The following PVT1 variants were observed in gnomAD, a reference collection of about 807,000 sequenced individuals.
PVT1 encodes the protein Pvt1 oncogene, also known as CXCR4/PVT1 fusion.
At chr8:127,989,655 G>T (rs757119015) in intron 4 of PVT1, among the ~76,000 whole-genome samples, 1 of 152,118 alleles carries the variant, frequency 6.6e-6, no homozygotes, top group Non-Finnish European at 1.5e-5. Flanking sequence ...TATATAATCA[G>T]ATTGAAACAC....
chr8:127,929,481 G>C (rs1816174144), intron 3 of PVT1, among the ~76,000 whole-genome samples: 1 of 152,130 alleles, frequency 6.6e-6, no homozygotes, highest in South Asian at 2.1e-4. Flanking sequence ...AATATGTTCT[G>C]TGCTCCCAGG....
chr8:127,928,801 C>T (rs1190395626), intron 3 of PVT1, among the ~76,000 whole-genome samples: 2 of 152,242 alleles, frequency 1.3e-5, no homozygotes, highest in African/African-American at 2.4e-5. Flanking sequence ...AGCCTGTGTC[C>T]GAGGCAGCCC....
intron 2 of PVT1, among the ~76,000 whole-genome samples, chr8:127,847,097 G>A (rs1815044497): frequency 6.7e-6 from 1 of 149,240 alleles, no homozygotes; most frequent in Admixed American, 6.8e-5. Context: ...CCGCTTCCCA[G>A]GTTCAAGCAA....
At chr8:128,033,972 A>G (rs1461652153) in intron 4 of PVT1, among the ~76,000 whole-genome samples, 1 of 152,096 alleles carries the variant, frequency 6.6e-6, no homozygotes, top group African/African-American at 2.4e-5. Context: ...GGCCAGAGTC[A>G]GAAGGCTGGG....
chr8:127,947,942 G>A (rs1291027224), intron 3 of PVT1: 1 of 457,012 alleles, frequency 2.2e-6, no homozygotes, highest in Non-Finnish European at 4.4e-6. Flanking sequence ...TGAGTGCAAA[G>A]TGACAGCTTT....
At chr8:128,021,160 T>C (rs1329589893) in intron 4 of PVT1, among the ~76,000 whole-genome samples, 1 of 151,814 alleles carries the variant, frequency 6.6e-6, no homozygotes, top group African/African-American at 2.4e-5. Flanking sequence ...CTTCCATCGC[T>C]CCCTAGCTAC....
Position 127,833,722 on chromosome 8 carries a change from G to A in PVT1, n.372+37651G>A, listed in dbSNP as rs540406631. Among the ~76,000 whole-genome samples the A allele has an allele frequency of 2.7e-4, 41 of 152,282 alleles. 1 individual carries two copies. The South Asian group carries it at 8.1e-3, about 30-fold the overall frequency. On this transcript the variant is annotated intron_variant and non_coding_transcript_variant, in intron 2 of 10. Coordinates refer to ENST00000651587, the Ensembl canonical transcript of PVT1. The stretch of plus-strand genomic sequence containing the variant: ...ACCTGCCTCAGCCTCCCAAAGTGCT[G>A]GGATTACAAGCCTGCCTTATGGATC...
At chr8:127,966,389 G>GA (rs1000964115) in intron 3 of PVT1, among the ~76,000 whole-genome samples, 6 of 152,136 alleles carry the variant, frequency 3.9e-5, no homozygotes, top group Middle Eastern at 3.2e-3. Context: ...CTGAGTCTTA[G>GA]AAAAAACCCC....
At chr8:127,905,249 T>A (rs1422141409) in intron 3 of PVT1, among the ~76,000 whole-genome samples, 1 of 152,132 alleles carries the variant, frequency 6.6e-6, no homozygotes, top group Non-Finnish European at 1.5e-5. Context: ...TAGCATGCCT[T>A]CTCTCTCCCA....
At chr8:127,936,360 C>T (rs965610900) in intron 3 of PVT1, among the ~76,000 whole-genome samples, 1 of 152,102 alleles carries the variant, frequency 6.6e-6, no homozygotes, top group African/African-American at 2.4e-5. Context: ...TCGACAGTGT[C>T]TTCTCTAAGC....
intron 2 of PVT1, among the ~76,000 whole-genome samples, chr8:127,796,459 T>C (rs1367839514): frequency 6.6e-6 from 1 of 152,168 alleles, no homozygotes; most frequent in Non-Finnish European, 1.5e-5. Context: ...ATCAAATCAA[T>C]TCCCTGTTCT....
At chr8:127,795,283 T>C (rs1240621856) in intron 1 of PVT1, among the ~76,000 whole-genome samples, 1 of 152,200 alleles carries the variant, frequency 6.6e-6, no homozygotes, top group Non-Finnish European at 1.5e-5. Flanking sequence ...GCTGGGCTGT[T>C]GATTTAATTA....
chr8:127,997,759 T>C (rs1817123667), intron 4 of PVT1, among the ~76,000 whole-genome samples: 1 of 152,218 alleles, frequency 6.6e-6, no homozygotes, highest in Non-Finnish European at 1.5e-5. Flanking sequence ...CCAATATTGA[T>C]ACATTATTAT....
intron 3 of PVT1, among the ~76,000 whole-genome samples, chr8:127,976,078 T>G (rs568599650): frequency 2.0e-5 from 3 of 152,104 alleles, no homozygotes; most frequent in Non-Finnish European, 2.9e-5. Flanking sequence ...TAAGGAAGAG[T>G]GGAGCTTACA....
At chr8:128,082,571 G>A (rs1055833907) in intron 5 of PVT1, among the ~76,000 whole-genome samples, 4 of 152,208 alleles carry the variant, frequency 2.6e-5, no homozygotes, top group African/African-American at 9.7e-5. Context: ...GAGGCACCAA[G>A]TCTCAGGGAA....
At chr8:127,867,101 C>A (rs973465925) in intron 2 of PVT1, among the ~76,000 whole-genome samples, 1 of 152,234 alleles carries the variant, frequency 6.6e-6, no homozygotes, top group Non-Finnish European at 1.5e-5. Context: ...GCCTCAGATG[C>A]CCTTCTCAGT....
At chr8:127,955,057 A>G (rs1816553182) in intron 3 of PVT1, among the ~76,000 whole-genome samples, 1 of 152,220 alleles carries the variant, frequency 6.6e-6, no homozygotes, top group African/African-American at 2.4e-5. Flanking sequence ...TCCTAGTGCC[A>G]AGGACCTCAG....
chr8:127,869,924 C>A (rs1031058774), intron 2 of PVT1, among the ~76,000 whole-genome samples: 1 of 152,170 alleles, frequency 6.6e-6, no homozygotes, highest in African/African-American at 2.4e-5. Context: ...CTGCCTCAGC[C>A]GTCCGAGTAG....
At chr8:127,863,838 T>C (rs1815256064) in intron 2 of PVT1, among the ~76,000 whole-genome samples, 1 of 152,176 alleles carries the variant, frequency 6.6e-6, no homozygotes, top group African/African-American at 2.4e-5. Flanking sequence ...GCTGGATCCC[T>C]CAGGACCCTG....
Sources: allele counts gnomAD v4.1 joint callset (sites outside exome capture counted in the v4.1 genomes callset), GRCh38; gene constraint gnomAD v4.1.1; transcripts MANE v1.5; gene names NCBI Gene and HGNC (gene_info 2026-07-23, HGNC 2026-07-21).